Variants in KLRG1 observed in about 807,000 individuals in gnomAD.
KLRG1 encodes killer cell lectin-like receptor subfamily G member 1.
Under a neutral mutation model 21.8 loss-of-function variants are expected in KLRG1, and 16 were observed. That is an observed-to-expected ratio of 0.73 (90% CI 0.50 to 1.11). KLRG1 has a LOEUF of 1.11. KLRG1 is among the 50% of genes most tolerant of loss of function. The pLI is 0.00. For synonymous variants in KLRG1, 69 were observed against 75.9 expected (o/e 0.91, Z 0.47); for missense variants, 173 against 218.3 (o/e 0.79, Z 1.31).
the KLRG1 span, chr12:9,192,099 A>G: frequency 3.8e-6 from 4 of 1,066,026 alleles, no homozygotes; most frequent in Non-Finnish European, 5.8e-6. Context: ...TTGTGAAGGG[A>G]TGATGGAAAC....
the KLRG1 span, among the ~76,000 whole-genome samples, chr12:9,097,264 C>A: frequency 2.0e-5 from 3 of 149,594 alleles, no homozygotes; most frequent in South Asian, 6.4e-4. Flanking sequence ...ATTAGAAGGA[C>A]AAACAAGTAA....
At chr12:9,116,761 A>G in the KLRG1 span, among the ~76,000 whole-genome samples, 2 of 152,184 alleles carry the variant, frequency 1.3e-5, no homozygotes, top group Non-Finnish European at 2.9e-5. Context: ...ACATCATGCA[A>G]GATTCTAGAG....
At chr12:8,969,131 A>C (rs1405518263) in intron 1 of KLRG1, among the ~76,000 whole-genome samples, 1 of 152,174 alleles carries the variant, frequency 6.6e-6, no homozygotes, top group Non-Finnish European at 1.5e-5. Context: ...GGGGCCTCTG[A>C]GAAACAAGTA....
At position 9,009,751 on chromosome 12, in the gene KLRG1, A is replaced by T; in HGVS notation, c.*214A>T. The T allele has an allele frequency of 7.0e-7, 1 of 1,419,326 alleles. No homozygotes were observed. The highest frequency in any genetic ancestry group is 9.2e-7 in the Non-Finnish European group (1 of 1,092,686). 87.9% of individuals were successfully genotyped at this position (1,419,326 alleles called of 1,614,324 possible). A position where few individuals can be genotyped will look rare whatever the true frequency, so the allele number is the denominator to read the frequency against. On this transcript the variant is annotated 3_prime_UTR_variant, in exon 5 of 5. Coordinates refer to ENST00000356986, the MANE Select transcript of KLRG1 (RefSeq NM_005810.4). Reference sequence around the variant, plus strand: ...TAGATATTATGTGAGCAATTTAAAGACCAGATCTAAGCAAATTTTGAAATA... The same window carrying T: ...TAGATATTATGTGAGCAATTTAAAGTCCAGATCTAAGCAAATTTTGAAATA...
At chr12:9,100,343 A>G in the KLRG1 span, among the ~76,000 whole-genome samples, 1 of 152,258 alleles carries the variant, frequency 6.6e-6, no homozygotes, top group Non-Finnish European at 1.5e-5. Context: ...GAAGAGGTTC[A>G]AGAATATTTA....
the KLRG1 span, chr12:9,162,483 G>A: frequency 2.6e-6 from 2 of 762,128 alleles, no homozygotes; most frequent in Non-Finnish European, 4.4e-6. Flanking sequence ...GTATTATGCT[G>A]ACTTTCATGG....
chr12:9,107,441 C>T, the KLRG1 span: 1 of 1,525,270 alleles, frequency 6.6e-7, no homozygotes, highest in Admixed American at 1.9e-5. Context: ...TGTTCTCTTC[C>T]TGCGTCAGAA....
the KLRG1 span, among the ~76,000 whole-genome samples, chr12:9,136,904 A>G: frequency 3.7e-4 from 57 of 152,242 alleles, 2 homozygotes; most frequent in African/African-American, 1.3e-3. Context: ...GAGTTGTAGG[A>G]GTTGCTTATA....
the KLRG1 span, among the ~76,000 whole-genome samples, chr12:9,083,296 G>A: frequency 0.02 from 3,074 of 151,958 alleles, 111 homozygotes; most frequent in African/African-American, 0.07. Flanking sequence ...TGTAAATGAC[G>A]AGTTAATGGG....
chr12:9,067,107 T>G, the KLRG1 span: 1 of 152,518 alleles, frequency 6.6e-6, no homozygotes, highest in Non-Finnish European at 1.5e-5. Flanking sequence ...ACAGCTATCC[T>G]TTAATCCTGG....
chr12:9,123,501 C>A, the KLRG1 span, among the ~76,000 whole-genome samples: 10 of 152,052 alleles, frequency 6.6e-5, no homozygotes, highest in African/African-American at 2.4e-4. Flanking sequence ...AGCATGGATA[C>A]GCTGGAGAAA....
At position 9,010,248 on chromosome 12, in the gene KLRG1, G is replaced by A. The variant is rs1171239932; in HGVS notation, c.*711G>A. The A allele has an allele frequency of 2.0e-6, 1 of 491,946 alleles. No individual in the cohort carries two copies. Among genetic ancestry groups the A allele is most frequent in the East Asian group, 3.3e-5 (1 of 30,510 alleles). 30.5% of individuals were successfully genotyped at this position (491,946 alleles called of 1,614,324 possible). On this transcript the variant is annotated 3_prime_UTR_variant, in exon 5 of 5. Coordinates refer to ENST00000356986, the MANE Select transcript of KLRG1 (RefSeq NM_005810.4). ...TGTGGGAAATGAGTGAGGGCAAGGTGGTACTTCCTCCTTCTGAGCTCTTCA... is the reference window on the plus strand; with the variant it reads ...TGTGGGAAATGAGTGAGGGCAAGGTAGTACTTCCTCCTTCTGAGCTCTTCA...
chr12:9,118,982 C>G, the KLRG1 span, among the ~76,000 whole-genome samples: 24 of 152,132 alleles, frequency 1.6e-4, no homozygotes, highest in African/African-American at 4.6e-4. Context: ...GCAGGAGCAC[C>G]CAAGTGGAGC....
chr12:9,095,741 A>ATTT, the KLRG1 span: 5 of 437,020 alleles, frequency 1.1e-5, no homozygotes, highest in Admixed American at 9.9e-5. Flanking sequence ...CTTATTTGTG[A>ATTT]CTTTTTTTTT....
chr12:9,050,050 A>G, the KLRG1 span, among the ~76,000 whole-genome samples: 2 of 152,204 alleles, frequency 1.3e-5, no homozygotes, highest in Non-Finnish European at 2.9e-5. Flanking sequence ...TGATTTTAAT[A>G]AACTTCAGAA....
chr12:9,099,038 G>A, the KLRG1 span, among the ~76,000 whole-genome samples: 1 of 152,124 alleles, frequency 6.6e-6, no homozygotes, highest in African/African-American at 2.4e-5. Flanking sequence ...CATTAATTGT[G>A]GTGGGACATG....
the KLRG1 span, chr12:9,163,526 G>T: frequency 2.2e-6 from 2 of 930,114 alleles, no homozygotes; most frequent in Non-Finnish European, 1.6e-6. Flanking sequence ...GTTGTCTGCT[G>T]CAATGCTTTT....
At chr12:8,961,662 C>T (rs905715637) in intron 1 of KLRG1, among the ~76,000 whole-genome samples, 2 of 151,970 alleles carry the variant, frequency 1.3e-5, no homozygotes, top group African/African-American at 2.4e-5. Flanking sequence ...CTCAGGTGAT[C>T]TGTCTGCCTC....
the KLRG1 span, among the ~76,000 whole-genome samples, chr12:9,041,863 G>A: frequency 1.2e-3 from 177 of 152,252 alleles, 6 homozygotes; most frequent in South Asian, 0.035. Context: ...ACTTTAAACT[G>A]CTAAGTTTTG....
Sources: allele counts gnomAD v4.1 joint callset (sites outside exome capture counted in the v4.1 genomes callset), GRCh38; gene constraint gnomAD v4.1.1; transcripts MANE v1.5; gene names NCBI Gene and HGNC (gene_info 2026-07-23, HGNC 2026-07-21).